Variants in DSCAM observed in about 807,000 individuals in gnomAD.
DSCAM encodes the protein cell adhesion molecule DSCAM.
Under a neutral mutation model 217.7 loss-of-function variants are expected in DSCAM, and 47 were observed. That is an observed-to-expected ratio of 0.22 (90% CI 0.17 to 0.28). The LOEUF is 0.28. Among genes scored for constraint, DSCAM ranks in the 10% least tolerant of loss-of-function variants. The pLI, the probability that DSCAM is intolerant of heterozygous loss-of-function variation, is 1.00. For synonymous variants in DSCAM, 1,056 were observed against 1,015.3 expected, an observed-to-expected ratio of 1.04 and a Z score of -0.76; for missense variants, 2,080 against 2,618.3, an observed-to-expected ratio of 0.79 and a Z score of 4.49.
At chr21:40,602,335 A>G (rs1011966052) in intron 3 of DSCAM, among the ~76,000 whole-genome samples, 6 of 152,334 alleles carry the variant, frequency 3.9e-5, no homozygotes, top group Admixed American at 2.6e-4. Flanking sequence ...TGCTGAGATC[A>G]TAGTCATGAG....
chr21:40,093,974 A>G (rs1007766029), intron 20 of DSCAM, 100 bp from the exon 21 acceptor site: 7 of 1,298,894 alleles, frequency 5.4e-6, no homozygotes, highest in Non-Finnish European at 7.4e-6. Context: ...ATCATAACAA[A>G]AAAACTCAAC....
intron 11 of DSCAM, among the ~76,000 whole-genome samples, chr21:40,269,266 G>T (rs1378352622): frequency 6.6e-6 from 1 of 152,154 alleles, no homozygotes; most frequent in African/African-American, 2.4e-5. Flanking sequence ...AACCTCTTTT[G>T]CAGAGTCCCG....
At chr21:40,269,524 A>G (rs150977838) in intron 11 of DSCAM, among the ~76,000 whole-genome samples, 1 of 152,198 alleles carries the variant, frequency 6.6e-6, no homozygotes, top group South Asian at 2.1e-4. Flanking sequence ...CACTGAGTGT[A>G]TGGTGTCCCG....
intron 3 of DSCAM, among the ~76,000 whole-genome samples, chr21:40,481,623 A>G (rs892189736): frequency 2.0e-5 from 3 of 151,572 alleles, no homozygotes; most frequent in African/African-American, 7.3e-5. Flanking sequence ...ATTTTTCAGT[A>G]TGAGTGGAAA....
Position 40,369,199 on chromosome 21 carries a change from A to C in DSCAM, c.555T>G (p.Asp185Glu). The C allele has an allele frequency of 6.2e-7, 1 of 1,612,568 alleles. No homozygotes were observed. The highest frequency in any genetic ancestry group is 8.5e-7 in the Non-Finnish European group (1 of 1,179,332). ...ITSTGALYIK[D>E]VQNEDGLYNY... ...TATACAATCCATCTTCATTCTGTAC[A>C]TCTTTAATATACAAGGCTCCCGTGG... The change falls in exon 4 of 33, where the codon GAT (aspartate) becomes GAG (glutamate). Residue 185 changes from aspartate (D) to glutamate (E), a missense_variant. Physicochemically the swap from Asp to Glu is conservative, Grantham distance 45. Coordinates refer to ENST00000400454, the MANE Select transcript of DSCAM (RefSeq NM_001389.5).
At chr21:40,739,521 G>A (rs893501107) in intron 1 of DSCAM, among the ~76,000 whole-genome samples, 6 of 152,114 alleles carry the variant, frequency 3.9e-5, no homozygotes, top group Admixed American at 6.6e-5. Flanking sequence ...TCTTCACAGG[G>A]CTATCCCTCT....
intron 16 of DSCAM, among the ~76,000 whole-genome samples, chr21:40,151,712 A>G (rs1478369623): frequency 6.6e-6 from 1 of 152,248 alleles, no homozygotes; most frequent in Non-Finnish European, 1.5e-5. Context: ...GCTGTTGAAG[A>G]GAGGCCTGGC....
At chr21:40,649,022 G>A (rs2089983526) in intron 3 of DSCAM, among the ~76,000 whole-genome samples, 1 of 152,224 alleles carries the variant, frequency 6.6e-6, no homozygotes, top group Admixed American at 6.5e-5. Flanking sequence ...GATATCGCCA[G>A]CCATGGAGGT....
At chr21:40,544,087 A>C (rs926491804) in intron 3 of DSCAM, among the ~76,000 whole-genome samples, 2 of 152,142 alleles carry the variant, frequency 1.3e-5, no homozygotes, top group South Asian at 2.1e-4. Flanking sequence ...GAGCCATCGC[A>C]CTGGTGAAAT....
chr21:40,833,546 A>C (rs1287046314), intron 1 of DSCAM, among the ~76,000 whole-genome samples: 6 of 152,206 alleles, frequency 3.9e-5, no homozygotes, highest in Non-Finnish European at 2.9e-5. Flanking sequence ...CTTGAGGGAG[A>C]AATGGCTGGA....
intron 3 of DSCAM, chr21:40,513,345 A>T (rs959304166): frequency 6.6e-6 from 1 of 152,296 alleles, no homozygotes; most frequent in African/African-American, 2.4e-5. Flanking sequence ...ATCTAAGAAC[A>T]CAACTATGCA....
intron 10 of DSCAM, among the ~76,000 whole-genome samples, chr21:40,276,939 A>G (rs2123383377): frequency 6.6e-6 from 1 of 152,166 alleles, no homozygotes; most frequent in African/African-American, 2.4e-5. Flanking sequence ...TGAATGTGGT[A>G]TGATTCATAT....
chr21:40,379,669 G>A (rs1482999235), intron 3 of DSCAM, among the ~76,000 whole-genome samples: 2 of 152,192 alleles, frequency 1.3e-5, no homozygotes, highest in South Asian at 4.1e-4. Context: ...AATGGCAGTT[G>A]CCTCTCTGAA....
intron 24 of DSCAM, among the ~76,000 whole-genome samples, chr21:40,082,448 A>G (rs2089476076): frequency 6.6e-6 from 1 of 152,212 alleles, no homozygotes; most frequent in South Asian, 2.1e-4. Flanking sequence ...CGACAGAGTG[A>G]GACTCCGTCT....
chr21:40,301,494 C>G (rs889072836), intron 9 of DSCAM, among the ~76,000 whole-genome samples: 1 of 147,156 alleles, frequency 6.8e-6, no homozygotes, highest in African/African-American at 2.6e-5. Context: ...AGTTCCCATT[C>G]ACCATTTGCA....
chr21:40,827,366 G>T (rs1457335972), intron 1 of DSCAM, among the ~76,000 whole-genome samples: 1 of 151,478 alleles, frequency 6.6e-6, no homozygotes, highest in Non-Finnish European at 1.5e-5. Flanking sequence ...CTACTCAGGA[G>T]GCTGAGGTGG....
intron 3 of DSCAM, among the ~76,000 whole-genome samples, chr21:40,567,933 T>C (rs1383344819): frequency 1.3e-5 from 2 of 152,076 alleles, no homozygotes; most frequent in African/African-American, 4.8e-5. Context: ...TGATCTAGTG[T>C]TTTTTTGTTT....
intron 3 of DSCAM, among the ~76,000 whole-genome samples, chr21:40,434,797 C>T (rs541480158): frequency 3.3e-5 from 5 of 152,170 alleles, no homozygotes; most frequent in South Asian, 4.2e-4. Flanking sequence ...AAAAAACACC[C>T]GATTAGACAC....
intron 3 of DSCAM, among the ~76,000 whole-genome samples, chr21:40,508,777 ATATATATT>A (rs2076234405): frequency 4.6e-4 from 2 of 4,334 alleles, no homozygotes; most frequent in East Asian, 8.1e-3. Context: ...ATATATATAT[ATATATATT>A]TTTTTTTTTT....
Sources: allele counts gnomAD v4.1 joint callset (sites outside exome capture counted in the v4.1 genomes callset), GRCh38; gene constraint gnomAD v4.1.1; transcripts MANE v1.5; gene names NCBI Gene and HGNC (gene_info 2026-07-23, HGNC 2026-07-21).